The following ZNF423 variants were observed in gnomAD, a reference collection of about 807,000 sequenced individuals.
The protein encoded by ZNF423 is Ebf-associated zinc finger protein.
In ZNF423, 12 loss-of-function variants were observed where a neutral mutation model predicts 95.8. That is an observed-to-expected ratio of 0.13 (90% CI 0.08 to 0.20). The LOEUF is 0.20. ZNF423 is among the 10% of genes least tolerant of loss of function. The pLI is 1.00. For missense variants in ZNF423, 1,316 were observed against 1,737.1 expected, an observed-to-expected ratio of 0.76 and a Z score of 4.31; for synonymous variants, 749 against 711.9, an observed-to-expected ratio of 1.05 and a Z score of -0.83.
intron 1 of ZNF423, among the ~76,000 whole-genome samples, chr16:49,821,096 T>G (rs529916677): frequency 1.2e-4 from 18 of 152,324 alleles, no homozygotes; most frequent in African/African-American, 3.6e-4. Flanking sequence ...CTGTTCACTT[T>G]CAAAGCCACT....
At chr16:49,848,720 A>T (rs1211925588) in intron 1 of ZNF423, among the ~76,000 whole-genome samples, 1 of 152,178 alleles carries the variant, frequency 6.6e-6, no homozygotes, top group East Asian at 1.9e-4. Context: ...GTCCTGACAA[A>T]TTGCTGGCGA....
chr16:49,838,194 C>T (rs2035141118), intron 1 of ZNF423, among the ~76,000 whole-genome samples: 1 of 152,206 alleles, frequency 6.6e-6, no homozygotes, highest in South Asian at 2.1e-4. Flanking sequence ...AAGCTGCACC[C>T]CCGGGGCCAG....
intron 3 of ZNF423, among the ~76,000 whole-genome samples, chr16:49,725,419 G>A (rs993081126): frequency 3.9e-5 from 6 of 152,084 alleles, no homozygotes; most frequent in East Asian, 1.9e-4. Flanking sequence ...TGAAGACAGC[G>A]TCACCTTGGA....
chr16:49,590,051 T>TATA (rs879296139), intron 5 of ZNF423, among the ~76,000 whole-genome samples: 7 of 134,092 alleles, frequency 5.2e-5, no homozygotes, highest in Admixed American at 1.5e-4. Context: ...TATATATATA[T>TATA]TTGGTCCATA....
chr16:49,677,189 G>A (rs2031088817), intron 3 of ZNF423, among the ~76,000 whole-genome samples: 1 of 141,944 alleles, frequency 7.0e-6, no homozygotes, highest in South Asian at 2.4e-4. Flanking sequence ...CTGAACTCCA[G>A]TGTGGGCAAC....
chr16:49,705,359 G>A (rs920942572), intron 3 of ZNF423, among the ~76,000 whole-genome samples: 3 of 152,160 alleles, frequency 2.0e-5, no homozygotes, highest in African/African-American at 7.2e-5. Context: ...ATTAAAAGGA[G>A]GCTTTTGGAC....
At chr16:49,510,012 G>A (rs1380026893) in intron 7 of ZNF423, among the ~76,000 whole-genome samples, 1 of 152,186 alleles carries the variant, frequency 6.6e-6, no homozygotes, top group Non-Finnish European at 1.5e-5. Flanking sequence ...TTACCACCAG[G>A]GTTGCAGGTT....
intron 7 of ZNF423, among the ~76,000 whole-genome samples, chr16:49,521,215 C>T (rs953498568): frequency 6.6e-6 from 1 of 152,190 alleles, no homozygotes; most frequent in African/African-American, 2.4e-5. Context: ...AATCTTGAGG[C>T]CATCAGAGAA....
At chr16:49,809,218 T>G (rs1234461785) in intron 1 of ZNF423, among the ~76,000 whole-genome samples, 1 of 152,198 alleles carries the variant, frequency 6.6e-6, no homozygotes, top group Non-Finnish European at 1.5e-5. Flanking sequence ...GATCAAAACA[T>G]AGCGGCCCAC....
chr16:49,709,709 G>A (rs73571442), intron 3 of ZNF423, among the ~76,000 whole-genome samples: 4,200 of 152,206 alleles, frequency 0.028, 191 homozygotes, highest in African/African-American at 0.096. Context: ...CTACGAGTGC[G>A]ATCAGTTTCC....
chr16:49,674,332 G>T (rs1391037821), intron 3 of ZNF423, among the ~76,000 whole-genome samples: 1 of 152,124 alleles, frequency 6.6e-6, no homozygotes, highest in Non-Finnish European at 1.5e-5. Context: ...GATTTGTGGT[G>T]TGTGTGTGTG....
At chr16:49,726,463 C>T (rs2033016841) in intron 3 of ZNF423, among the ~76,000 whole-genome samples, 1 of 152,168 alleles carries the variant, frequency 6.6e-6, no homozygotes, top group South Asian at 2.1e-4. Context: ...TCCAAGTCCT[C>T]CTGGCTCCTA....
chr16:49,762,417 G>A (rs1298953042), intron 2 of ZNF423, among the ~76,000 whole-genome samples: 1 of 152,162 alleles, frequency 6.6e-6, no homozygotes, highest in African/African-American at 2.4e-5. Context: ...GAAGCCTGTG[G>A]CCAGCCCTTC....
intron 2 of ZNF423, among the ~76,000 whole-genome samples, chr16:49,742,767 G>C (rs1428330271): frequency 6.6e-6 from 1 of 152,178 alleles, no homozygotes; most frequent in African/African-American, 2.4e-5. Flanking sequence ...AGGCTAGGAT[G>C]CTGGGGCGCA....
rs1296085918 is a variant in ZNF423 at position 49,800,623 on chromosome 16, T to G, written c.41-11077A>C. 2.0e-5 allele frequency among the ~76,000 whole-genome samples: 3 copies of G among 152,142 alleles called. No homozygotes were observed. In the East Asian group the frequency reaches 5.8e-4, roughly 29 times the overall value. On this transcript the variant is annotated intron_variant, in intron 1 of 7. Coordinates refer to ENST00000563137, the MANE Select transcript of ZNF423 (RefSeq NM_001379286.1). ...ACTCCTGCGCACACACTTGAGGATGTGCCCAATGTGAGCAGGAAAGGCCAC... is the reference window on the plus strand; with the variant it reads ...ACTCCTGCGCACACACTTGAGGATGGGCCCAATGTGAGCAGGAAAGGCCAC...
intron 3 of ZNF423, among the ~76,000 whole-genome samples, chr16:49,692,175 A>C (rs910867811): frequency 2.6e-5 from 4 of 151,882 alleles, no homozygotes; most frequent in African/African-American, 4.8e-5. Flanking sequence ...GGCTCTTCTC[A>C]AACTCCTGGG....
At chr16:49,556,454 C>T (rs78045895) in intron 5 of ZNF423, among the ~76,000 whole-genome samples, 1 of 152,182 alleles carries the variant, frequency 6.6e-6, no homozygotes. Context: ...GGACTATTCA[C>T]GTGAGAGCGG....
chr16:49,785,593 C>T (rs182503597), intron 2 of ZNF423, among the ~76,000 whole-genome samples: 21 of 152,318 alleles, frequency 1.4e-4, no homozygotes, highest in Admixed American at 1.2e-3. Context: ...ATCCAGCTTT[C>T]TGGCTTTTCT....
rs1169093869 is a variant in ZNF423 at position 49,855,428 on chromosome 16, C to T, written c.40+307G>A. 1.3e-5 allele frequency among the ~76,000 whole-genome samples: 2 copies of T among 150,946 alleles called. No individual in the cohort carries two copies. Among genetic ancestry groups the T allele is most frequent in the African/African-American group, 4.9e-5 (2 of 41,026 alleles). On this transcript the variant is annotated intron_variant, in intron 1 of 7. Coordinates refer to ENST00000563137, the MANE Select transcript of ZNF423 (RefSeq NM_001379286.1). This position sits in a 1 kb window ranked among gnomAD's most constrained non-coding sequence, Gnocchi z 4.7. ...CCCGCACGGAGGGAGCGGCAAGGGC[C>T]CCTTAGCGGCGCCCCCAGGCCTGGG...
Sources: allele counts gnomAD v4.1 joint callset (sites outside exome capture counted in the v4.1 genomes callset), GRCh38; gene constraint gnomAD v4.1.1; non-coding constraint Gnocchi (gnomAD v3.1); transcripts MANE v1.5; gene names NCBI Gene and HGNC (gene_info 2026-07-23, HGNC 2026-07-21).